The following TENM2 variants were observed in gnomAD, a reference collection of about 807,000 sequenced individuals.
The protein encoded by TENM2 is teneurin transmembrane protein 2.
TENM2 carries 52 observed loss-of-function variants against 245.2 expected under a neutral mutation model. That is an observed-to-expected ratio of 0.21 (90% CI 0.17 to 0.27). The LOEUF is 0.27. Among genes scored for constraint, TENM2 ranks in the 10% least tolerant of loss-of-function variants. TENM2 has a pLI of 1.00. For synonymous variants in TENM2, 1,363 were observed against 1,438.9 expected, an observed-to-expected ratio of 0.95 and a Z score of 1.19; for missense variants, 3,046 against 3,666.8, an observed-to-expected ratio of 0.83 and a Z score of 4.37.
chr5:167,200,409 G>A, the TENM2 span, among the ~76,000 whole-genome samples: 6 of 151,644 alleles, frequency 4.0e-5, no homozygotes, highest in Non-Finnish European at 7.4e-5. Context: ...TTCGTTTGTG[G>A]TCTCTCTGTC....
intron 8 of TENM2, among the ~76,000 whole-genome samples, chr5:168,093,764 A>G (rs1283361973): frequency 6.6e-6 from 1 of 152,150 alleles, no homozygotes; most frequent in East Asian, 1.9e-4. Context: ...AATGTAAACA[A>G]AAAGGAAAAC....
chr5:167,622,319 G>A (rs772992790), intron 2 of TENM2, among the ~76,000 whole-genome samples: 35 of 152,194 alleles, frequency 2.3e-4, no homozygotes, highest in Middle Eastern at 3.4e-3. Context: ...GCATAAAAGC[G>A]TAGCAATATA....
intron 3 of TENM2, among the ~76,000 whole-genome samples, chr5:167,877,195 G>T (rs1421999171): frequency 6.6e-6 from 1 of 152,088 alleles, no homozygotes; most frequent in African/African-American, 2.4e-5. Context: ...GCCGAGAGTG[G>T]GTCTTGATGC....
chr5:166,987,489 A>G, the TENM2 span, among the ~76,000 whole-genome samples: 3 of 151,876 alleles, frequency 2.0e-5, no homozygotes, highest in African/African-American at 7.3e-5. Flanking sequence ...AGAAAAGCAT[A>G]GCTTCAGGTG....
At chr5:167,404,941 C>T (rs1351326931) in intron 2 of TENM2, among the ~76,000 whole-genome samples, 1 of 152,124 alleles carries the variant, frequency 6.6e-6, no homozygotes, top group Non-Finnish European at 1.5e-5. Context: ...TTCCCATTCC[C>T]CTCCACAACT....
intron 2 of TENM2, among the ~76,000 whole-genome samples, chr5:167,483,181 C>T (rs1378663139): frequency 6.6e-6 from 1 of 152,112 alleles, no homozygotes; most frequent in Non-Finnish European, 1.5e-5. Flanking sequence ...AACACTTAGC[C>T]CAGCCCCTGT....
the TENM2 span, among the ~76,000 whole-genome samples, chr5:167,007,841 C>T: frequency 1.3e-5 from 2 of 152,316 alleles, no homozygotes; most frequent in African/African-American, 4.8e-5. This position sits in a 1 kb window ranked among gnomAD's most constrained non-coding sequence, Gnocchi z 4.2. Context: ...GATGTCCTCA[C>T]TCCCACGAGC....
At chr5:167,028,962 A>AT in the TENM2 span, among the ~76,000 whole-genome samples, 1 of 152,084 alleles carries the variant, frequency 6.6e-6, no homozygotes, top group African/African-American at 2.4e-5. Context: ...TCCAGGTCTA[A>AT]TTTTTTTTAA....
downstream of TENM2, chr5:168,263,143 A>G (rs915437989): frequency 2.2e-5 from 5 of 230,500 alleles, no homozygotes; most frequent in South Asian, 5.7e-4. Flanking sequence ...TCCAAAAGGA[A>G]CAAAAGAACA....
chr5:168,263,970 C>A (rs1280661422), downstream of TENM2: 2 of 151,884 alleles, frequency 1.3e-5, no homozygotes, highest in African/African-American at 2.4e-5. Context: ...ATTAAAAAAA[C>A]AAAAATAAAG....
intron 2 of TENM2, among the ~76,000 whole-genome samples, chr5:167,857,645 C>T (rs1771215667): frequency 6.6e-6 from 1 of 151,830 alleles, no homozygotes; most frequent in Admixed American, 6.6e-5. Context: ...TGAGAAAACC[C>T]AATATTTCAA....
intron 3 of TENM2, among the ~76,000 whole-genome samples, chr5:167,940,174 G>T (rs545696707): frequency 3.5e-4 from 54 of 152,298 alleles, no homozygotes; most frequent in African/African-American, 1.1e-3. Flanking sequence ...TGTCTCAAAT[G>T]ATACCGCAGT....
At chr5:167,492,941 A>G (rs528944673) in intron 2 of TENM2, among the ~76,000 whole-genome samples, 61 of 152,256 alleles carry the variant, frequency 4.0e-4, no homozygotes, top group African/African-American at 1.5e-3. Context: ...AGGATTTCCA[A>G]GCAGAAGCTT....
the TENM2 span, among the ~76,000 whole-genome samples, chr5:167,267,098 T>C: frequency 4.6e-5 from 7 of 152,310 alleles, no homozygotes; most frequent in African/African-American, 1.7e-4. Flanking sequence ...GAGAATGGCA[T>C]GTTATCGTGC....
the TENM2 span, among the ~76,000 whole-genome samples, chr5:167,232,934 A>G: frequency 6.6e-6 from 1 of 152,344 alleles, no homozygotes; most frequent in African/African-American, 2.4e-5. Flanking sequence ...CTACTCTAGC[A>G]AAGCAATTTG....
chr5:167,411,781 G>A (rs562144417), intron 2 of TENM2, among the ~76,000 whole-genome samples: 1 of 152,042 alleles, frequency 6.6e-6, no homozygotes, highest in African/African-American at 2.4e-5. Flanking sequence ...AAACCATTTG[G>A]CAAGAATCAT....
chr5:168,036,950 A>G (rs971013321), intron 5 of TENM2, among the ~76,000 whole-genome samples: 17 of 151,878 alleles, frequency 1.1e-4, no homozygotes, highest in African/African-American at 3.6e-4. Context: ...AGCTGACCAT[A>G]CTGACATTAA....
At chr5:167,649,771 A>G (rs935715831) in intron 2 of TENM2, among the ~76,000 whole-genome samples, 7 of 152,168 alleles carry the variant, frequency 4.6e-5, no homozygotes, top group African/African-American at 1.7e-4. Flanking sequence ...AATGTGATAT[A>G]TTTGATCCTC....
the TENM2 span, among the ~76,000 whole-genome samples, chr5:167,226,649 A>AT: frequency 2.5e-4 from 38 of 152,176 alleles, 1 homozygote; most frequent in East Asian, 7.1e-3. Flanking sequence ...GAAGATGTAT[A>AT]TTTTGCAGTT....
Sources: gnomAD v4.1 joint callset for allele counts (sites outside exome capture counted in the v4.1 genomes callset) on GRCh38, gnomAD v4.1.1 for gene constraint, Gnocchi (gnomAD v3.1) non-coding constraint, MANE v1.5 for transcripts, NCBI Gene and HGNC (gene_info 2026-07-23, HGNC 2026-07-21) for gene names.